DCC: variants seen among roughly 807,000 people sequenced by gnomAD.
DCC encodes DCC netrin 1 receptor, also known as netrin receptor DCC.
DCC carries 58 observed loss-of-function variants against 172.5 expected under a neutral mutation model. The ratio of observed to expected loss-of-function variants is 0.34; its 90% CI spans 0.27 to 0.42. The LOEUF is 0.42. Ranked by LOEUF, DCC falls within the 10% of genes least tolerant of loss-of-function variation. The pLI, the probability that DCC is intolerant of heterozygous loss-of-function variation, is 1.00. For synonymous variants in DCC, 709 were observed against 644.5 expected (o/e 1.10, Z -1.52); for missense variants, 1,740 against 1,791.0 (o/e 0.97, Z 0.51).
chr18:53,478,362 G>A (rs1383214736), intron 25 of DCC, among the ~76,000 whole-genome samples: 3 of 152,152 alleles, frequency 2.0e-5, no homozygotes, highest in African/African-American at 4.8e-5. Context: ...TTGCACAATC[G>A]GATGTAACTA....
At chr18:52,615,810 G>A (rs2034370151) in intron 1 of DCC, among the ~76,000 whole-genome samples, 1 of 152,152 alleles carries the variant, frequency 6.6e-6, no homozygotes, top group South Asian at 2.1e-4. Flanking sequence ...CTGCAAGTGG[G>A]AGTAGGGTAG....
intron 26 of DCC, among the ~76,000 whole-genome samples, chr18:53,493,704 A>C (rs1244938434): frequency 6.6e-6 from 1 of 152,112 alleles, no homozygotes; most frequent in Non-Finnish European, 1.5e-5. Flanking sequence ...TGATCTTTTC[A>C]AAAAACCAGC....
chr18:52,575,835 C>A (rs1442099928), intron 1 of DCC, among the ~76,000 whole-genome samples: 1 of 152,170 alleles, frequency 6.6e-6, no homozygotes, highest in Non-Finnish European at 1.5e-5. Flanking sequence ...AGTCAATACA[C>A]TCTTTGCCCT....
intron 1 of DCC, among the ~76,000 whole-genome samples, chr18:52,476,945 T>A (rs1989111255): frequency 6.6e-6 from 1 of 152,080 alleles, no homozygotes; most frequent in Non-Finnish European, 1.5e-5. Context: ...TCAAACACAA[T>A]TTAGCAGGGA....
At chr18:53,194,094 T>A (rs1429561689) in intron 9 of DCC, among the ~76,000 whole-genome samples, 1 of 152,160 alleles carries the variant, frequency 6.6e-6, no homozygotes, top group Non-Finnish European at 1.5e-5. Context: ...TGGGAAACAC[T>A]CTGAGTTGTG....
chr18:53,188,724 C>T (rs906936708), intron 9 of DCC, among the ~76,000 whole-genome samples: 2 of 152,096 alleles, frequency 1.3e-5, no homozygotes, highest in African/African-American at 4.8e-5. Flanking sequence ...AGTCCGAAAT[C>T]GAGGTGTCAG....
chr18:53,389,972 G>T (rs3794917), intron 16 of DCC, among the ~76,000 whole-genome samples: 64,473 of 152,032 alleles, frequency 0.42, 15,466 homozygotes, highest in Non-Finnish European at 0.55. Context: ...ATTAGAAAAC[G>T]TCCCATATGT....
At position 53,058,863 on chromosome 18, in the gene DCC, A is replaced by T. The variant is rs908832481; in HGVS notation, c.986-4442A>T. Among the ~76,000 whole-genome samples the T allele has an allele frequency of 2.0e-5, 3 of 152,160 alleles. No individual in the cohort carries two copies. In the East Asian group the frequency reaches 5.8e-4, roughly 29 times the overall value. On this transcript the variant is annotated intron_variant, in intron 5 of 28. Coordinates refer to ENST00000442544, the MANE Select transcript of DCC (RefSeq NM_005215.4). ...AAGGAGAGAAAATTTTTCAAGAAAA[A>T]ATCAGGACATCCTTCTTGGAGAAGT...
intron 1 of DCC, among the ~76,000 whole-genome samples, chr18:52,573,360 C>G (rs890590375): frequency 1.3e-5 from 2 of 152,242 alleles, no homozygotes; most frequent in Middle Eastern, 3.4e-3. Context: ...TTTAAGTTGC[C>G]TGAACTAAAT....
chr18:52,625,398 C>T lies in DCC; in HGVS notation c.92-126656C>T, dbSNP rs114084179. Among the ~76,000 whole-genome samples, 683 of 152,240 alleles carry T rather than the reference C, an allele frequency of 4.5e-3. 8 individuals are homozygous for T. The highest frequency in any genetic ancestry group is 0.016 in the African/African-American group (659 of 41,560). ...TATTCACTCAACAACTATGAATTAT[C>T]CTGTCCTTGTATTCTTTGTTTTCCT... On this transcript the variant is annotated intron_variant, in intron 1 of 28. Coordinates refer to ENST00000442544, the MANE Select transcript of DCC (RefSeq NM_005215.4).
intron 26 of DCC, among the ~76,000 whole-genome samples, chr18:53,497,975 A>C (rs1000159811): frequency 1.2e-4 from 19 of 152,286 alleles, no homozygotes; most frequent in African/African-American, 4.6e-4. Flanking sequence ...TCTGATTGCT[A>C]TATGGCTACA....
intron 5 of DCC, among the ~76,000 whole-genome samples, chr18:52,937,631 A>G (rs1481362018): frequency 3.3e-5 from 5 of 152,012 alleles, no homozygotes; most frequent in Non-Finnish European, 5.9e-5. Flanking sequence ...CTACAGGTGC[A>G]CACCACCACA....
chr18:52,379,162 G>T (rs545019745), intron 1 of DCC, among the ~76,000 whole-genome samples: 1 of 152,162 alleles, frequency 6.6e-6, no homozygotes, highest in South Asian at 2.1e-4. Flanking sequence ...GACTCATTTA[G>T]CTTTATTTTC....
intron 21 of DCC, among the ~76,000 whole-genome samples, chr18:53,424,532 A>T (rs1385723975): frequency 6.6e-6 from 1 of 152,180 alleles, no homozygotes; most frequent in African/African-American, 2.4e-5. Flanking sequence ...TGTGTATGTT[A>T]CGGGATTTCA....
At chr18:53,219,908 G>A (rs545471171) in intron 12 of DCC, among the ~76,000 whole-genome samples, 1 of 152,288 alleles carries the variant, frequency 6.6e-6, no homozygotes, top group South Asian at 2.1e-4. Context: ...GTGTTTGTGT[G>A]TAACAAGACA....
intron 21 of DCC, among the ~76,000 whole-genome samples, chr18:53,429,468 T>C (rs1378647052): frequency 1.3e-5 from 2 of 151,966 alleles, no homozygotes; most frequent in Non-Finnish European, 2.9e-5. Context: ...GTGAAATTAT[T>C]ATCTTAGTTT....
At chr18:53,407,283 C>G (rs1392948678) in intron 19 of DCC, among the ~76,000 whole-genome samples, 3 of 151,594 alleles carry the variant, frequency 2.0e-5, no homozygotes, top group Non-Finnish European at 4.4e-5. Flanking sequence ...AACTTATGTA[C>G]TTACAGGCTA....
At chr18:52,558,691 C>T (rs1239253455) in intron 1 of DCC, among the ~76,000 whole-genome samples, 2 of 152,026 alleles carry the variant, frequency 1.3e-5, no homozygotes, top group African/African-American at 4.8e-5. Flanking sequence ...AAGGAGAACC[C>T]GGGTCTCCTC....
chr18:53,147,658 C>T (rs2043935871), intron 7 of DCC, among the ~76,000 whole-genome samples: 1 of 152,148 alleles, frequency 6.6e-6, no homozygotes, highest in Admixed American at 6.5e-5. Flanking sequence ...GTGGTGCCAC[C>T]TCACACACCT....
Sources: gnomAD v4.1 joint callset for allele counts (sites outside exome capture counted in the v4.1 genomes callset) on GRCh38, gnomAD v4.1.1 for gene constraint, MANE v1.5 for transcripts, NCBI Gene and HGNC (gene_info 2026-07-23, HGNC 2026-07-21) for gene names.